VPS4B: variants seen among roughly 807,000 people sequenced by gnomAD.
The protein encoded by VPS4B is vacuolar protein sorting 4 homolog B.
VPS4B carries 23 observed loss-of-function variants against 56.1 expected under a neutral mutation model. The ratio of observed to expected loss-of-function variants is 0.41; its 90% CI spans 0.30 to 0.58. VPS4B has a LOEUF of 0.58. Ranked by LOEUF, VPS4B falls within the 20% of genes least tolerant of loss-of-function variation. The pLI, the probability that VPS4B is intolerant of heterozygous loss-of-function variation, is 0.29. For missense variants in VPS4B, 372 were observed against 531.9 expected, an observed-to-expected ratio of 0.70 and a Z score of 2.96; for synonymous variants, 177 against 186.0, an observed-to-expected ratio of 0.95 and a Z score of 0.39.
chr18:63,394,099 T>C (rs1363826181), intron 9 of VPS4B, among the ~76,000 whole-genome samples: 3 of 152,158 alleles, frequency 2.0e-5, no homozygotes, highest in South Asian at 4.1e-4. Flanking sequence ...ATTGCTTGTA[T>C]GATCACACAT....
At chr18:63,400,241 G>C (rs528376722) in intron 6 of VPS4B, 45 bp from the exon 7 acceptor site, 2 of 1,537,214 alleles carry the variant, frequency 1.3e-6, no homozygotes, top group South Asian at 1.2e-5. Flanking sequence ...AATAGTAAAA[G>C]ATTAAAACAA....
At chr18:63,394,914 G>A (rs1428567188) in intron 9 of VPS4B, among the ~76,000 whole-genome samples, 3 of 152,062 alleles carry the variant, frequency 2.0e-5, no homozygotes, top group Admixed American at 2.0e-4. Flanking sequence ...ATGAGGTCAG[G>A]GATTTTTGTC....
At chr18:63,421,773 G>T (rs1287996211) in intron 1 of VPS4B, among the ~76,000 whole-genome samples, 1 of 152,150 alleles carries the variant, frequency 6.6e-6, no homozygotes, top group African/African-American at 2.4e-5. Flanking sequence ...ATGCAGGCTG[G>T]CTGTAATCTC....
At chr18:63,412,230 A>T (rs1916059782) in intron 1 of VPS4B, among the ~76,000 whole-genome samples, 2 of 152,348 alleles carry the variant, frequency 1.3e-5, no homozygotes, top group South Asian at 4.1e-4. Flanking sequence ...AATATTTGTA[A>T]TAATATGGAA....
chr18:63,410,204 T>C (rs1022240269), intron 3 of VPS4B, 86 bp downstream of exon 3: 1 of 1,551,074 alleles, frequency 6.4e-7, no homozygotes, highest in Non-Finnish European at 8.7e-7. Context: ...TGAGCCATAG[T>C]TTGCTGACAC....
intron 9 of VPS4B, among the ~76,000 whole-genome samples, chr18:63,396,167 A>G (rs1288866631): frequency 6.6e-6 from 1 of 150,662 alleles, no homozygotes; most frequent in Admixed American, 6.7e-5. Flanking sequence ...CTGTACATTT[A>G]AGTTTCTATA....
chr18:63,419,579 T>A (rs1916249036), intron 1 of VPS4B, among the ~76,000 whole-genome samples: 1 of 151,924 alleles, frequency 6.6e-6, no homozygotes, highest in Non-Finnish European at 1.5e-5. Flanking sequence ...GTACATTTTA[T>A]TACAATATAC....
chr18:63,413,872 G>T (rs866354690), intron 1 of VPS4B, among the ~76,000 whole-genome samples: 1 of 152,160 alleles, frequency 6.6e-6, no homozygotes, highest in African/African-American at 2.4e-5. Flanking sequence ...TATTGTAGCA[G>T]GGAAGAAAAA....
At chr18:63,421,399 G>A (rs75267196) in intron 1 of VPS4B, among the ~76,000 whole-genome samples, 4,795 of 152,190 alleles carry the variant, frequency 0.032, 239 homozygotes, top group African/African-American at 0.11. Flanking sequence ...AGTCCACGAC[G>A]GGGACTCAAT....
intron 9 of VPS4B, among the ~76,000 whole-genome samples, chr18:63,394,970 G>C (rs1020294271): frequency 3.3e-5 from 5 of 152,144 alleles, no homozygotes; most frequent in Non-Finnish European, 5.9e-5. Context: ...TCCCAGATTA[G>C]TATTTTAGAA....
intron 8 of VPS4B, among the ~76,000 whole-genome samples, chr18:63,398,204 C>CACACACACATAT (rs1298374245): frequency 1.3e-4 from 15 of 112,496 alleles, no homozygotes; most frequent in African/African-American, 4.6e-4. Context: ...CACACACACA[C>CACACACACATAT]ATATATATAT....
intron 9 of VPS4B, among the ~76,000 whole-genome samples, chr18:63,395,743 C>T (rs1915655094): frequency 6.6e-6 from 1 of 152,198 alleles, no homozygotes; most frequent in East Asian, 1.9e-4. Context: ...TTCATTGTTA[C>T]TCAAACTGGG....
chr18:63,416,774 A>T (rs1568091849), intron 1 of VPS4B, among the ~76,000 whole-genome samples: 1 of 152,172 alleles, frequency 6.6e-6, no homozygotes, highest in Non-Finnish European at 1.5e-5. Context: ...CAAGCAGTTG[A>T]ACCCTTCCAC....
At chr18:63,419,138 T>C (rs972093032) in intron 1 of VPS4B, among the ~76,000 whole-genome samples, 2 of 152,134 alleles carry the variant, frequency 1.3e-5, no homozygotes, top group African/African-American at 2.4e-5. Context: ...AAAATGCAGA[T>C]ACAGCAGGGA....
In VPS4B at chr18:63,392,738, G is replaced by A. The variant is rs1216355937; in HGVS notation, c.1233+671C>T. On this transcript the variant is annotated intron_variant, in intron 10 of 10. Transcript: ENST00000238497. ...GTTGGGATTACAGGCATGAGCCACCGTACCTGGCCCTATTTTTTGTTTTTT... is the reference window on the plus strand; with the variant it reads ...GTTGGGATTACAGGCATGAGCCACCATACCTGGCCCTATTTTTTGTTTTTT... Among the ~76,000 whole-genome samples the A allele has an allele frequency of 2.7e-4, 35 of 131,238 alleles. No homozygotes were observed. The Admixed American group carries it at 2.9e-3, about 11-fold the overall frequency. 86.1% of individuals were successfully genotyped at this position (131,238 alleles called of 152,430 possible).
At chr18:63,409,667 G>A (rs947906757) in intron 3 of VPS4B, among the ~76,000 whole-genome samples, 4 of 152,112 alleles carry the variant, frequency 2.6e-5, no homozygotes, top group Admixed American at 6.6e-5. Flanking sequence ...CATCTAGGAA[G>A]ACATGCCAAA....
chr18:63,410,256 G>A (rs377337910), intron 3 of VPS4B, 34 bp downstream of exon 3: 8 of 1,602,072 alleles, frequency 5.0e-6, no homozygotes, highest in Non-Finnish European at 6.8e-6. Context: ...AAAGCAAAAA[G>A]CCACAATAAA....
At chr18:63,407,582 T>C (rs1915945273) in intron 3 of VPS4B, 83 bp from the exon 4 acceptor site, 1 of 1,099,798 alleles carries the variant, frequency 9.1e-7, no homozygotes, top group South Asian at 1.5e-5. Flanking sequence ...TAACCTGAAA[T>C]ATTTGTAATT....
chr18:63,417,307 T>C (rs1181730108), intron 1 of VPS4B, among the ~76,000 whole-genome samples: 4 of 152,300 alleles, frequency 2.6e-5, no homozygotes, highest in Non-Finnish European at 5.9e-5. Flanking sequence ...TGGCCTCTAT[T>C]CTCTTTCCTG....
Sources: allele counts gnomAD v4.1 joint callset (sites outside exome capture counted in the v4.1 genomes callset), GRCh38; gene constraint gnomAD v4.1.1; transcripts MANE v1.5; gene names NCBI Gene and HGNC (gene_info 2026-07-23, HGNC 2026-07-21).